SDF2: variants seen among roughly 807,000 people sequenced by gnomAD.
The protein encoded by SDF2 is stromal cell-derived factor 2.
A neutral mutation model predicts 20.5 loss-of-function variants in SDF2; 12 were observed. That is an observed-to-expected ratio of 0.58 (90% CI 0.37 to 0.95). SDF2 has a LOEUF of 0.95. Ranked by LOEUF, SDF2 falls within the 40% of genes least tolerant of loss-of-function variation. The pLI is 0.01. For missense variants in SDF2, 238 were observed against 263.1 expected (o/e 0.90, Z 0.66); for synonymous variants, 100 against 101.0 (o/e 0.99, Z 0.06).
chr17:28,655,776 A>C (rs904024724), intron 1 of SDF2: 1 of 443,210 alleles, frequency 2.3e-6, no homozygotes, highest in Admixed American at 3.1e-5. Flanking sequence ...ATGTATGTCA[A>C]GCTAGGGGTG....
intron 2 of SDF2, among the ~76,000 whole-genome samples, chr17:28,649,674 C>T (rs75426863): frequency 4.1e-5 from 6 of 145,022 alleles, no homozygotes; most frequent in Admixed American, 2.9e-4. Flanking sequence ...GCGGAGGTTG[C>T]GGTGAGCCGA....
At position 28,648,355 on chromosome 17, in the gene SDF2, C is replaced by G. The variant is rs1202301636; in HGVS notation, c.*634G>C. On this transcript the variant is annotated 3_prime_UTR_variant, in exon 3 of 3. Coordinates refer to ENST00000247020, the MANE Select transcript of SDF2 (RefSeq NM_006923.4). ...TAACAGATACAAAGCAAACATTTCA[C>G]TGGCTATTTATTATGCTGTATTCTC... 6.6e-6 allele frequency: 1 copy of G among 152,630 alleles called. No homozygotes were observed. Among genetic ancestry groups the G allele is most frequent in the East Asian group, 1.9e-4 (1 of 5,208 alleles). 9.5% of individuals were successfully genotyped at this position (152,630 alleles called of 1,614,324 possible).
chr17:28,649,304 A>G, intron 2 of SDF2, 28 bp from the exon 3 acceptor site: 1 of 1,605,196 alleles, frequency 6.2e-7, no homozygotes, highest in Non-Finnish European at 8.5e-7. Flanking sequence ...TAGTAACATC[A>G]GCATGGCTGA....
intron 2 of SDF2, among the ~76,000 whole-genome samples, chr17:28,653,600 T>C (rs1037082632): frequency 1.3e-5 from 2 of 152,070 alleles, no homozygotes; most frequent in Admixed American, 6.5e-5. Context: ...GATCACAAGG[T>C]CAGGAGCTCG....
chr17:28,650,165 T>C (rs1184980504), intron 2 of SDF2, among the ~76,000 whole-genome samples: 1 of 151,860 alleles, frequency 6.6e-6, no homozygotes, highest in East Asian at 2.0e-4. Flanking sequence ...TTGGTCAGGC[T>C]GGTTTCGAAT....
At chr17:28,649,824 C>A (rs2071898382) in intron 2 of SDF2, among the ~76,000 whole-genome samples, 1 of 150,814 alleles carries the variant, frequency 6.6e-6, no homozygotes, top group South Asian at 2.1e-4. Context: ...TCACCTAAGT[C>A]CAGGGGATCA....
intron 2 of SDF2, 152 bp from the exon 3 acceptor site, chr17:28,649,428 C>T (rs779733196): frequency 2.9e-6 from 2 of 696,016 alleles, no homozygotes; most frequent in Non-Finnish European, 4.8e-6. Context: ...GGAAGCTGAG[C>T]AGGGCAGATC....
In SDF2 at chr17:28,648,941, A is replaced by C; in HGVS notation, c.*48T>G. 1 of 1,587,926 alleles carries C rather than the reference A, an allele frequency of 6.3e-7. No individual in the cohort carries two copies. On this transcript the variant is annotated 3_prime_UTR_variant, in exon 3 of 3. Coordinates refer to ENST00000247020, the MANE Select transcript of SDF2 (RefSeq NM_006923.4). ...AGGGATCCCAAGGTGAGGCAGCAACAGATGTCTGTGAACATTGTGCGTTAA... is the reference window on the plus strand; with the variant it reads ...AGGGATCCCAAGGTGAGGCAGCAACCGATGTCTGTGAACATTGTGCGTTAA...
rs370071665 is a variant in SDF2, at chr17:28,661,756, G to A, written c.121C>T (p.Leu41=). ...CCATAGCGCACGTCGTGTGAGTGCA[G>A]TCGGACGTTGTGGCGCGTATTGAGT... The part of the protein sequence containing the change: ...KLLNTRHNVR[L]HSHDVRYGSG... The change falls in exon 1 of 3, where the codon CTG becomes TTG. Residue 41 remains leucine, a synonymous_variant. Transcript: ENST00000247020. 3.7e-6 allele frequency: 6 copies of A among 1,614,100 alleles called. No homozygotes were observed. Among genetic ancestry groups the A allele is most frequent in the Non-Finnish European group, 1.7e-6 (2 of 1,179,988 alleles).
chr17:28,657,102 C>T (rs2071969924), intron 1 of SDF2, among the ~76,000 whole-genome samples: 1 of 152,134 alleles, frequency 6.6e-6, no homozygotes, highest in Non-Finnish European at 1.5e-5. Flanking sequence ...TCGCATGTGC[C>T]TGTAATCCCA....
intron 1 of SDF2, chr17:28,656,333 C>T (rs1419675132): frequency 6.6e-6 from 1 of 151,984 alleles, no homozygotes; most frequent in Non-Finnish European, 1.5e-5. Context: ...CACCTGTAAT[C>T]CTAGCACTTT....
chr17:28,658,295 T>C (rs1428872927), intron 1 of SDF2, among the ~76,000 whole-genome samples: 3 of 151,882 alleles, frequency 2.0e-5, no homozygotes, highest in Non-Finnish European at 4.4e-5. Flanking sequence ...TTCTTGGGTG[T>C]TTCTCGGAGA....
At chr17:28,656,624 C>T (rs2071965379) in intron 1 of SDF2, among the ~76,000 whole-genome samples, 1 of 152,018 alleles carries the variant, frequency 6.6e-6, no homozygotes, top group African/African-American at 2.4e-5. Context: ...CCACGTAATA[C>T]TAGTTACTAT....
intron 1 of SDF2, chr17:28,661,262 G>A (rs1425365082): frequency 2.3e-6 from 1 of 425,888 alleles, no homozygotes; most frequent in African/African-American, 2.1e-5. Flanking sequence ...AGCTCTTGGA[G>A]TTTAAAGTTT....
chr17:28,656,134 T>C (rs975148966), intron 1 of SDF2: 3 of 152,174 alleles, frequency 2.0e-5, no homozygotes, highest in African/African-American at 7.2e-5. Flanking sequence ...TATTTTTTCT[T>C]CTACAACATT....
At chr17:28,655,614 TGGAGG>T in intron 1 of SDF2, 131 bp from the exon 2 acceptor site, 1 of 774,040 alleles carries the variant, frequency 1.3e-6, no homozygotes, top group African/African-American at 1.7e-5. Flanking sequence ...GACACGCTGC[TGGAGG>T]TGTAATGGAT....
intron 2 of SDF2, among the ~76,000 whole-genome samples, chr17:28,654,739 C>T (rs905527731): frequency 1.2e-4 from 18 of 152,008 alleles, no homozygotes; most frequent in African/African-American, 4.1e-4. Flanking sequence ...ATCACAAGGT[C>T]AGGAGTTCGA....
At chr17:28,654,586 C>T (rs921955710) in intron 2 of SDF2, among the ~76,000 whole-genome samples, 9 of 151,936 alleles carry the variant, frequency 5.9e-5, no homozygotes, top group African/African-American at 2.2e-4. Context: ...GAGGCAGAGG[C>T]GGGTGGATCA....
chr17:28,649,391 G>T, intron 2 of SDF2, 115 bp from the exon 3 acceptor site: 3 of 941,052 alleles, frequency 3.2e-6, no homozygotes, highest in South Asian at 3.2e-5. Flanking sequence ...GAGGGGCCAG[G>T]CTTATGCCTG....
Sources: allele counts gnomAD v4.1 joint callset (sites outside exome capture counted in the v4.1 genomes callset), GRCh38; gene constraint gnomAD v4.1.1; transcripts MANE v1.5; gene names NCBI Gene and HGNC (gene_info 2026-07-23, HGNC 2026-07-21).